Variants in QTMAN observed in about 807,000 individuals in gnomAD.
QTMAN encodes the protein queuosine-tRNA mannosyltransferase.
At chr2:143,952,395 G>A in the QTMAN span, among the ~76,000 whole-genome samples, 3 of 151,110 alleles carry the variant, frequency 2.0e-5, no homozygotes, top group African/African-American at 4.8e-5. Context: ...TACAACAGTT[G>A]CATATTATTA....
the QTMAN span, among the ~76,000 whole-genome samples, chr2:143,991,594 G>T: frequency 2.8e-5 from 4 of 140,976 alleles, no homozygotes; most frequent in East Asian, 2.2e-4. Context: ...CAGCCGCCTC[G>T]TCCGGGAGGT....
chr2:144,115,726 T>C, the QTMAN span, among the ~76,000 whole-genome samples: 1 of 152,174 alleles, frequency 6.6e-6, no homozygotes, highest in African/African-American at 2.4e-5. Context: ...CTGCAGCACT[T>C]TTGTCTTATT....
At chr2:144,250,618 G>A in the QTMAN span, among the ~76,000 whole-genome samples, 1 of 151,954 alleles carries the variant, frequency 6.6e-6, no homozygotes, top group Non-Finnish European at 1.5e-5. Flanking sequence ...AAAACCAGCT[G>A]TGTGAAAGTA....
chr2:144,162,898 A>G, the QTMAN span, among the ~76,000 whole-genome samples: 1 of 152,184 alleles, frequency 6.6e-6, no homozygotes, highest in Non-Finnish European at 1.5e-5. Flanking sequence ...AGTGGACCTG[A>G]CTGTGCCCAG....
the QTMAN span, among the ~76,000 whole-genome samples, chr2:144,322,713 G>A: frequency 1.2e-4 from 18 of 152,266 alleles, no homozygotes; most frequent in African/African-American, 4.3e-4. Flanking sequence ...TTGACAAGTA[G>A]GAGTTTCTTA....
the QTMAN span, among the ~76,000 whole-genome samples, chr2:144,272,214 T>C: frequency 4.6e-5 from 7 of 152,296 alleles, no homozygotes; most frequent in South Asian, 1.2e-3. Context: ...AACAAATTTC[T>C]TCCCCATCTA....
chr2:143,953,073 T>A, the QTMAN span, among the ~76,000 whole-genome samples: 1 of 151,898 alleles, frequency 6.6e-6, no homozygotes, highest in Admixed American at 6.6e-5. Flanking sequence ...GTTCACTGAA[T>A]TAATCAAAGC....
At chr2:144,207,240 C>A in the QTMAN span, among the ~76,000 whole-genome samples, 2 of 152,166 alleles carry the variant, frequency 1.3e-5, no homozygotes, top group African/African-American at 2.4e-5. Flanking sequence ...CAGCATTTTA[C>A]CTTTAAAATC....
At chr2:144,297,518 C>T in the QTMAN span, among the ~76,000 whole-genome samples, 1 of 149,616 alleles carries the variant, frequency 6.7e-6, no homozygotes, top group Non-Finnish European at 1.5e-5. Context: ...AATTACTAGT[C>T]TTGGCTGGGC....
the QTMAN span, among the ~76,000 whole-genome samples, chr2:144,059,461 G>A: frequency 6.6e-6 from 1 of 152,178 alleles, no homozygotes; most frequent in African/African-American, 2.4e-5. Context: ...CACTGTGTTG[G>A]CTTCATAAAT....
chr2:144,062,956 G>A, the QTMAN span, among the ~76,000 whole-genome samples: 1 of 152,186 alleles, frequency 6.6e-6, no homozygotes, highest in Non-Finnish European at 1.5e-5. Flanking sequence ...GAAAGGCTCA[G>A]AAAGGTCATG....
At chr2:144,007,143 G>C in the QTMAN span, 1 of 1,183,662 alleles carries the variant, frequency 8.4e-7, no homozygotes, top group South Asian at 1.5e-5. Flanking sequence ...TCTTTTACCA[G>C]TTCTACAACT....
At chr2:144,106,381 C>A in the QTMAN span, among the ~76,000 whole-genome samples, 4 of 152,198 alleles carry the variant, frequency 2.6e-5, no homozygotes, top group Admixed American at 6.5e-5. Context: ...CAGAGACACA[C>A]ATAGGCTCAA....
the QTMAN span, among the ~76,000 whole-genome samples, chr2:144,081,959 C>A: frequency 2.6e-5 from 4 of 152,128 alleles, no homozygotes; most frequent in Non-Finnish European, 5.9e-5. Flanking sequence ...ACAATCTGGG[C>A]TCACTGCAGC....
chr2:143,952,479 C>A, the QTMAN span, among the ~76,000 whole-genome samples: 1 of 151,352 alleles, frequency 6.6e-6, no homozygotes, highest in Non-Finnish European at 1.5e-5. Context: ...TAAAAAAAAT[C>A]TGTAAGCAAT....
At chr2:144,039,874 G>GAAAC in the QTMAN span, among the ~76,000 whole-genome samples, 1 of 152,148 alleles carries the variant, frequency 6.6e-6, no homozygotes, top group African/African-American at 2.4e-5. Flanking sequence ...GTGGGCTGAA[G>GAAAC]GTTTAGGAAC....
At chr2:144,131,622 G>A in the QTMAN span, among the ~76,000 whole-genome samples, 1 of 151,826 alleles carries the variant, frequency 6.6e-6, no homozygotes, top group South Asian at 2.1e-4. Context: ...CTAAGTCAAA[G>A]ATAATTAATC....
the QTMAN span, among the ~76,000 whole-genome samples, chr2:143,969,721 G>A: frequency 2.6e-5 from 4 of 152,132 alleles, no homozygotes; most frequent in African/African-American, 7.2e-5. Context: ...ACAGGCAAAC[G>A]TCCAAAGGTC....
the QTMAN span, among the ~76,000 whole-genome samples, chr2:143,951,361 TAAAGA>T: frequency 6.6e-6 from 1 of 151,678 alleles, no homozygotes; most frequent in African/African-American, 2.4e-5. Flanking sequence ...TTGATTCAAA[TAAAGA>T]AAAGAAGATA....
Sources: gnomAD v4.1 joint callset for allele counts (sites outside exome capture counted in the v4.1 genomes callset) on GRCh38, gnomAD v4.1.1 for gene constraint, MANE v1.5 for transcripts, NCBI Gene and HGNC (gene_info 2026-07-23, HGNC 2026-07-21) for gene names.